GPR35: variants seen among roughly 807,000 people sequenced by gnomAD.
GPR35 encodes KYNA receptor.
For synonymous variants in GPR35, 207 were observed against 198.4 expected (o/e 1.04, Z -0.36); for missense variants, 372 against 422.5 (o/e 0.88, Z 1.05).
In GPR35 at chr2:240,630,834, T is replaced by A; in HGVS notation, c.882T>A (p.Ser294Arg). Residue 294 changes from serine to arginine, a missense_variant, in exon 2 of 2, where the codon AGT (serine) becomes AGA (arginine). Coordinates refer to ENST00000407714, the MANE Select transcript of GPR35 (RefSeq NM_005301.5). Reference sequence around the variant, plus strand: ...CGTCTGCACTGGCCGTGGCTCCCAGTGCTAAGGCCCACAAAAGCCAGGACT... The same window carrying A: ...CGTCTGCACTGGCCGTGGCTCCCAGAGCTAAGGCCCACAAAAGCCAGGACT... ...QEASALAVAP[S>R]AKAHKSQDSL... The A allele has an allele frequency of 6.2e-7, 1 of 1,612,928 alleles. No homozygotes were observed. Among genetic ancestry groups the A allele is most frequent in the South Asian group, 1.1e-5 (1 of 91,074 alleles).
chr2:240,611,910 G>A (rs1279285968), intron 2 of GPR35, among the ~76,000 whole-genome samples: 3 of 152,082 alleles, frequency 2.0e-5, no homozygotes, highest in Admixed American at 6.5e-5. Flanking sequence ...ACCCTGAGGA[G>A]CCCCAACATT....
intron 4 of GPR35, among the ~76,000 whole-genome samples, chr2:240,618,036 C>T (rs2043256974): frequency 6.6e-6 from 1 of 151,982 alleles, no homozygotes. Context: ...GATTTGTCGT[C>T]ATTTTTAGGC....
At chr2:240,626,595 G>A (rs2953153) in intron 1 of GPR35, among the ~76,000 whole-genome samples, 75,618 of 151,892 alleles carry the variant, frequency 0.5, 20,020 homozygotes, top group South Asian at 0.78. Flanking sequence ...AAACAAGAAT[G>A]AAGAATACCC....
intron 1 of GPR35, among the ~76,000 whole-genome samples, chr2:240,627,209 G>A (rs866297281): frequency 9.2e-5 from 14 of 152,210 alleles, no homozygotes; most frequent in African/African-American, 2.2e-4. Context: ...ATTCCTGTGC[G>A]GGACTGGGGC....
In GPR35 at chr2:240,630,625, G is replaced by A; in HGVS notation, c.673G>A (p.Val225Met). Residue 225 changes from valine to methionine, a missense_variant, in exon 2 of 2, where the codon GTG becomes ATG. Physicochemically the swap from Val to Met is conservative, Grantham distance 21. Transcript: ENST00000407714. ...AARMVWANLL[V>M]FVVCFLPLHV... ...CCGCATGGTCTGGGCCAACCTCCTGGTGTTCGTGGTCTGCTTCCTGCCCCT... is the reference window on the plus strand; with the variant it reads ...CCGCATGGTCTGGGCCAACCTCCTGATGTTCGTGGTCTGCTTCCTGCCCCT... The A allele has an allele frequency of 1.2e-6, 2 of 1,612,910 alleles. No individual in the cohort carries two copies. Among genetic ancestry groups the A allele is most frequent in the Non-Finnish European group, 1.7e-6 (2 of 1,179,986 alleles).
chr2:240,619,357 G>A (rs1311569526), intron 5 of GPR35, among the ~76,000 whole-genome samples: 1 of 152,226 alleles, frequency 6.6e-6, no homozygotes, highest in Non-Finnish European at 1.5e-5. Flanking sequence ...TCTCCTCTGT[G>A]AGCGTCTACT....
rs776487434 is a variant in GPR35 at position 240,608,142 on chromosome 2, TC to T, written c.-577+1531del. Among the ~76,000 whole-genome samples, 15 of 152,208 alleles carry T rather than the reference TC, an allele frequency of 9.9e-5. 1 individual carries two copies. Among genetic ancestry groups the T allele is most frequent in the Admixed American group, 3.9e-4 (6 of 15,270 alleles). On this transcript the variant is annotated intron_variant, in intron 2 of 5. Transcript: ENST00000319838. ...CCTATCTTCAAGCGATCTTCTCACT[TC>T]AGCCTCCCCACATGTTGGGATTACA...
chr2:240,626,990 A>T lies in GPR35; in HGVS notation c.-5+1422A>T, dbSNP rs988866889. ...CTTTTGTGTGCAGAAGCCGAGGGTG[A>T]CCTTGTCATCAGAAGGGGAAGCGGG... is the stretch of plus-strand genomic sequence containing the variant. On this transcript the variant is annotated intron_variant, in intron 1 of 1. Transcript: ENST00000407714. Among the ~76,000 whole-genome samples the T allele has an allele frequency of 3.9e-5, 6 of 152,206 alleles. 1 individual carries two copies. Among genetic ancestry groups the T allele is most frequent in the East Asian group, 3.9e-4 (2 of 5,182 alleles).
upstream of GPR35, among the ~76,000 whole-genome samples, chr2:240,621,727 G>T (rs2043297163): frequency 2.6e-5 from 4 of 152,238 alleles, no homozygotes; most frequent in Admixed American, 2.0e-4. Flanking sequence ...AGAAGAGAGG[G>T]TTTATTGAAA....
intron 2 of GPR35, among the ~76,000 whole-genome samples, chr2:240,615,280 C>T (rs896856059): frequency 3.3e-5 from 5 of 152,194 alleles, no homozygotes; most frequent in East Asian, 3.9e-4. Flanking sequence ...CTTGCCGAGT[C>T]CTCTCTAAGC....
chr2:240,624,751 G>A (rs1044914163), upstream of GPR35, among the ~76,000 whole-genome samples: 3 of 152,236 alleles, frequency 2.0e-5, no homozygotes, highest in Admixed American at 2.0e-4. Flanking sequence ...CACCATGGGG[G>A]CGCAGCCTGG....
Position 240,630,464 on chromosome 2 carries a change from A to C in GPR35, c.512A>C (p.Asn171Thr), listed in dbSNP as rs564536714. 6.2e-7 allele frequency: 1 copy of C among 1,611,778 alleles called. No individual in the cohort carries two copies. Among genetic ancestry groups the C allele is most frequent in the South Asian group, 1.1e-5 (1 of 91,026 alleles). The change falls in exon 2 of 2, where the codon AAC becomes ACC. Residue 171 changes from asparagine to threonine, a missense_variant. Physicochemically the swap from Asn to Thr is moderately conservative, Grantham distance 65. Coordinates refer to ENST00000407714, the MANE Select transcript of GPR35 (RefSeq NM_005301.5). Reference protein sequence around the residue: ...FCFRSTRHNFNSMAFPLLGFY... With the variant: ...FCFRSTRHNFTSMAFPLLGFY... ...TTCAGGAGCACCCGGCACAATTTCA[A>C]CTCCATGGCGTTCCCGCTGCTGGGA... is the stretch of plus-strand genomic sequence containing the variant.
rs1254474754 is a variant in GPR35 at position 240,617,274 on chromosome 2, A to G, written c.-268A>G. 7.0e-6 allele frequency: 5 copies of G among 710,398 alleles called. No individual in the cohort carries two copies. In the East Asian group the frequency reaches 1.1e-4, roughly 15 times the overall value. The allele number at this position is 710,398 out of a possible 1,614,324, so 44.0% of individuals were successfully genotyped here. ...TGATGAGACTGCAGCCCCGGCTGACACCTGGATTGCAGACTCATGAAAGAC... is the reference window on the plus strand; with the variant it reads ...TGATGAGACTGCAGCCCCGGCTGACGCCTGGATTGCAGACTCATGAAAGAC... On this transcript the variant is annotated 5_prime_UTR_variant, in exon 4 of 6. Coordinates refer to the GPR35 transcript ENST00000319838.
exon 4 of GPR35, chr2:240,617,113 A>G (rs1282021193): frequency 5.9e-6 from 4 of 673,068 alleles, no homozygotes. Flanking sequence ...CTGGAAGTGA[A>G]TCTCCTCGTA....
intron 2 of GPR35, among the ~76,000 whole-genome samples, chr2:240,614,869 A>G (rs537978442): frequency 6.6e-6 from 1 of 151,170 alleles, no homozygotes; most frequent in East Asian, 1.9e-4. Flanking sequence ...ATGTATATGT[A>G]GTATCTATAT....
intron 2 of GPR35, among the ~76,000 whole-genome samples, chr2:240,609,530 C>G (rs1026675631): frequency 2.6e-5 from 4 of 152,084 alleles, no homozygotes; most frequent in Non-Finnish European, 5.9e-5. Flanking sequence ...GTGTCTTATA[C>G]CTTGTTGCTA....
intron 4 of GPR35, chr2:240,618,784 C>T (rs1209475506): frequency 2.0e-6 from 1 of 489,664 alleles, no homozygotes; most frequent in Non-Finnish European, 3.6e-6. Context: ...AAAAACACAT[C>T]AATTGTCTAT....
exon 5 of GPR35, chr2:240,619,015 A>G: frequency 2.8e-6 from 2 of 702,796 alleles, no homozygotes; most frequent in Non-Finnish European, 5.2e-6. Flanking sequence ...CATGCTTCAT[A>G]GTCCTTGCGT....
At chr2:240,626,340 T>C (rs62186541) in intron 1 of GPR35, among the ~76,000 whole-genome samples, 58 of 4,374 alleles carry the variant, frequency 0.013, no homozygotes, top group Admixed American at 0.036. Context: ...GGTCTCAGAG[T>C]GGGGTGAGGC....
Sources: allele counts gnomAD v4.1 joint callset (sites outside exome capture counted in the v4.1 genomes callset), GRCh38; gene constraint gnomAD v4.1.1; transcripts MANE v1.5; gene names NCBI Gene and HGNC (gene_info 2026-07-23, HGNC 2026-07-21).